PDE4D: variants seen among roughly 807,000 people sequenced by gnomAD.
The protein encoded by PDE4D is 3',5'-cyclic-AMP phosphodiesterase 4D.
Under a neutral mutation model 87.4 loss-of-function variants are expected in PDE4D, and 24 were observed. The ratio of observed to expected loss-of-function variants is 0.27; its 90% CI spans 0.20 to 0.39. PDE4D has a LOEUF of 0.39. PDE4D is among the 10% of genes least tolerant of loss of function. The pLI is 1.00. For synonymous variants in PDE4D, 384 were observed against 383.2 expected (o/e 1.00, Z -0.02); for missense variants, 714 against 1,041.0 (o/e 0.69, Z 4.32).
chr5:59,862,207 G>A (rs534663179), intron 1 of PDE4D, among the ~76,000 whole-genome samples: 2 of 151,938 alleles, frequency 1.3e-5, no homozygotes, highest in East Asian at 1.9e-4. Flanking sequence ...ATACCTCAGG[G>A]GCCTACTCCA....
intron 1 of PDE4D, among the ~76,000 whole-genome samples, chr5:59,504,587 T>C (rs1298149911): frequency 2.6e-5 from 4 of 152,194 alleles, no homozygotes; most frequent in Non-Finnish European, 4.4e-5. Flanking sequence ...CATTTTTTGA[T>C]GTGTCATTGC....
chr5:60,078,046 TC>T (rs980974912), intron 2 of PDE4D, among the ~76,000 whole-genome samples: 3 of 152,174 alleles, frequency 2.0e-5, no homozygotes, highest in African/African-American at 7.2e-5. Context: ...CTTTCTGATG[TC>T]CCAGTCCTTT....
intron 1 of PDE4D, among the ~76,000 whole-genome samples, chr5:59,346,735 G>A (rs1028212315): frequency 6.6e-6 from 1 of 152,116 alleles, no homozygotes; most frequent in African/African-American, 2.4e-5. Context: ...GAACAAAAAC[G>A]TCCCAACCAG....
chr5:59,501,799 G>A (rs574521790), intron 1 of PDE4D, among the ~76,000 whole-genome samples: 3 of 152,262 alleles, frequency 2.0e-5, no homozygotes, highest in South Asian at 4.2e-4. Context: ...ACAGGGAAGC[G>A]ATGTGCATTC....
At chr5:60,270,674 A>G (rs1167817679) in intron 1 of PDE4D, among the ~76,000 whole-genome samples, 3 of 152,002 alleles carry the variant, frequency 2.0e-5, no homozygotes, top group Admixed American at 6.6e-5. Context: ...TAATTCAGTG[A>G]TGACATTTTG....
chr5:59,396,441 GA>G (rs1424447070), intron 1 of PDE4D, among the ~76,000 whole-genome samples: 2 of 97,754 alleles, frequency 2.0e-5, no homozygotes, highest in African/African-American at 5.0e-5. Flanking sequence ...CATTCTTAAA[GA>G]AAAGAATTCT....
chr5:60,109,081 A>G (rs7719582), intron 2 of PDE4D, among the ~76,000 whole-genome samples: 110,754 of 148,938 alleles, frequency 0.74, 42,766 homozygotes, highest in African/African-American at 0.93. Flanking sequence ...GCAACCTACA[A>G]CATGGGAGAA....
At chr5:59,892,362 G>C (rs1751078044) in intron 1 of PDE4D, among the ~76,000 whole-genome samples, 1 of 152,086 alleles carries the variant, frequency 6.6e-6, no homozygotes, top group Non-Finnish European at 1.5e-5. Flanking sequence ...AAATCTCTAC[G>C]TCTTGCCTGC....
intron 5 of PDE4D, among the ~76,000 whole-genome samples, chr5:59,047,022 A>G (rs1161204584): frequency 6.6e-6 from 1 of 152,228 alleles, no homozygotes; most frequent in African/African-American, 2.4e-5. Context: ...ATTGGAGATA[A>G]TAACAAGAGC....
intron 1 of PDE4D, among the ~76,000 whole-genome samples, chr5:60,475,035 T>C (rs1218233012): frequency 6.6e-6 from 1 of 152,202 alleles, no homozygotes; most frequent in Non-Finnish European, 1.5e-5. Flanking sequence ...AAAAAACTTA[T>C]GTAAAAGAGT....
intron 5 of PDE4D, among the ~76,000 whole-genome samples, chr5:59,083,992 T>G (rs1216880923): frequency 6.6e-6 from 1 of 152,088 alleles, no homozygotes; most frequent in African/African-American, 2.4e-5. Context: ...TGGGTTTTTT[T>G]GGGGGGGACT....
chr5:59,892,458 C>G (rs1751090638), intron 1 of PDE4D, among the ~76,000 whole-genome samples: 1 of 152,142 alleles, frequency 6.6e-6, no homozygotes, highest in Non-Finnish European at 1.5e-5. Flanking sequence ...TCGCACACAC[C>G]GACACAGTGT....
chr5:59,025,107 C>T lies in PDE4D; in HGVS notation c.921+13752G>A, dbSNP rs1755962308. ...TATAGCTTTGTTCAATCTTTACAGT[C>T]TTTAGCCTCTTTTGTGAAATGGGTT... On this transcript the variant is annotated intron_variant, in intron 6 of 14. Coordinates refer to ENST00000340635, the MANE Select transcript of PDE4D (RefSeq NM_001104631.2). Among the ~76,000 whole-genome samples the T allele has an allele frequency of 4.6e-5, 7 of 151,960 alleles. No individual in the cohort carries two copies. In the South Asian group the frequency reaches 1.5e-3, roughly 32 times the overall value.
At chr5:60,417,602 T>C (rs191579706) in intron 1 of PDE4D, among the ~76,000 whole-genome samples, 3 of 152,222 alleles carry the variant, frequency 2.0e-5, no homozygotes, top group Admixed American at 6.5e-5. Context: ...CAGGAGGACA[T>C]AGAAGAGTCA....
intron 1 of PDE4D, among the ~76,000 whole-genome samples, chr5:60,410,055 A>G (rs1289500212): frequency 6.6e-6 from 1 of 152,212 alleles, no homozygotes; most frequent in East Asian, 1.9e-4. Flanking sequence ...AGTTAGGCAG[A>G]GGGAGGCCTC....
At chr5:59,671,940 A>G (rs1047815681) in intron 1 of PDE4D, among the ~76,000 whole-genome samples, 1 of 152,288 alleles carries the variant, frequency 6.6e-6, no homozygotes, top group Middle Eastern at 3.4e-3. Flanking sequence ...AAGGATTAAA[A>G]TCTTCATTTT....
rs192762775 is a variant in PDE4D, at chr5:59,256,625, C to T, written c.456-40657G>A. Among the ~76,000 whole-genome samples, 213 of 152,156 alleles carry T rather than the reference C, an allele frequency of 1.4e-3. 2 individuals are homozygous for T. Among genetic ancestry groups the T allele is most frequent in the African/African-American group, 4.9e-3 (203 of 41,528 alleles). On this transcript the variant is annotated intron_variant, in intron 1 of 14. Coordinates refer to ENST00000340635, the MANE Select transcript of PDE4D (RefSeq NM_001104631.2). The stretch of plus-strand genomic sequence containing the variant: ...ATTGCATCACGTTTTGATGATGTTA[C>T]TGAGTGTTCATGGAACGTAGGGCTA...
At chr5:59,133,797 G>A (rs576882500) in intron 5 of PDE4D, among the ~76,000 whole-genome samples, 2 of 152,278 alleles carry the variant, frequency 1.3e-5, no homozygotes, top group East Asian at 3.9e-4. Context: ...CCAGCTACAC[G>A]TGAGATGGAC....
intron 1 of PDE4D, among the ~76,000 whole-genome samples, chr5:60,398,593 A>C (rs1004835434): frequency 6.6e-6 from 1 of 152,028 alleles, no homozygotes; most frequent in Non-Finnish European, 1.5e-5. Flanking sequence ...CCAGTGCTAG[A>C]TCTTCCTCTA....
Sources: gnomAD v4.1 joint callset for allele counts (sites outside exome capture counted in the v4.1 genomes callset) on GRCh38, gnomAD v4.1.1 for gene constraint, MANE v1.5 for transcripts, NCBI Gene and HGNC (gene_info 2026-07-23, HGNC 2026-07-21) for gene names.